The following ADD1 variants were observed in gnomAD, a reference collection of about 807,000 sequenced individuals.
The protein encoded by ADD1 is adducin 1.
In ADD1, 24 loss-of-function variants were observed where a neutral mutation model predicts 80.5. That is an observed-to-expected ratio of 0.30 (90% CI 0.22 to 0.42). The LOEUF (loss-of-function observed/expected upper bound fraction) is 0.42. Among genes scored for constraint, ADD1 ranks in the 10% least tolerant of loss-of-function variants. The pLI is 1.00. For synonymous variants in ADD1, 373 were observed against 393.8 expected, an observed-to-expected ratio of 0.95 and a Z score of 0.63; for missense variants, 948 against 1,019.0, an observed-to-expected ratio of 0.93 and a Z score of 0.95.
At chr4:2,902,060 C>T (rs1382766628) in intron 9 of ADD1, 1 of 152,094 alleles carries the variant, frequency 6.6e-6, no homozygotes, top group Non-Finnish European at 1.5e-5. Flanking sequence ...TGACCCAAAT[C>T]CATGTTTTTA....
chr4:2,874,038 C>T (rs1730859962), intron 1 of ADD1, among the ~76,000 whole-genome samples: 1 of 151,688 alleles, frequency 6.6e-6, no homozygotes, highest in South Asian at 2.1e-4. Flanking sequence ...AGTGAGACCT[C>T]ATCTCTACCA....
Position 2,867,683 on chromosome 4 carries a change from A to G in ADD1, c.-20-8213A>G, listed in dbSNP as rs114327462. On this transcript the variant is annotated intron_variant, in intron 1 of 15. Coordinates refer to ENST00000683351, the MANE Select transcript of ADD1 (RefSeq NM_001354761.2). ...GGAAGCCGTTAACTAACCATTCATCATAAAAGGGAGGAAGCAAGAGGACCC... is the reference window on the plus strand; with the variant it reads ...GGAAGCCGTTAACTAACCATTCATCGTAAAAGGGAGGAAGCAAGAGGACCC... 4.2e-3 allele frequency among the ~76,000 whole-genome samples: 644 copies of G among 152,366 alleles called. 1 individual carries two copies. Among genetic ancestry groups the G allele is most frequent in the African/African-American group, 0.015 (604 of 41,578 alleles).
At chr4:2,922,957 C>T (rs1314035152) in intron 14 of ADD1, among the ~76,000 whole-genome samples, 2 of 152,244 alleles carry the variant, frequency 1.3e-5, no homozygotes, top group Non-Finnish European at 2.9e-5. Context: ...ATGGCCTACT[C>T]AAGCCTCAGT....
In ADD1 at chr4:2,858,097, C is replaced by A. The variant is rs188509100; in HGVS notation, c.-21+14073C>A. Among the ~76,000 whole-genome samples, 166 of 152,218 alleles carry A rather than the reference C, an allele frequency of 1.1e-3. 1 individual carries two copies. Among genetic ancestry groups the A allele is most frequent in the Admixed American group, 3.6e-3 (55 of 15,292 alleles). On this transcript the variant is annotated intron_variant, in intron 1 of 15. Transcript: ENST00000683351. The stretch of plus-strand genomic sequence containing the variant: ...GATTAAAAAAATGACCATACGAAGC[C>A]GTGATAACAGCCTCTAGGAGGGAAC...
At position 2,906,489 on chromosome 4, in the gene ADD1, G is replaced by A. The variant is rs201436960; in HGVS notation, c.1507-1254G>A. 2.0e-4 allele frequency among the ~76,000 whole-genome samples: 30 copies of A among 152,162 alleles called. 1 individual carries two copies. Among genetic ancestry groups the A allele is most frequent in the East Asian group, 5.8e-4 (3 of 5,184 alleles). On this transcript the variant is annotated intron_variant, in intron 10 of 15. Transcript: ENST00000683351. ...TTTTCCAAAGCGTTTAGGCAGCAGC[G>A]CGAGCTTTATTTACCATTAGCTTGC...
At chr4:2,900,659 A>T (rs1335769650) in intron 9 of ADD1, 2 of 152,244 alleles carry the variant, frequency 1.3e-5, no homozygotes, top group Non-Finnish European at 2.9e-5. Context: ...GGTCTGATTC[A>T]GGCTATGTTA....
In ADD1 at chr4:2,907,585, C is replaced by T. The variant is rs149930777; in HGVS notation, c.1507-158C>T. 2.2e-3 allele frequency: 1,414 copies of T among 643,000 alleles called. 2 individuals are homozygous for T. Among genetic ancestry groups the T allele is most frequent in the Non-Finnish European group, 3.4e-3 (1,194 of 355,228 alleles). 39.8% of individuals were successfully genotyped at this position (643,000 alleles called of 1,614,324 possible). A position where few individuals can be genotyped will look rare whatever the true frequency, so the allele number is the denominator to read the frequency against. ...ATGTGGCTGCATCCTGCTCCCATGG[C>T]GACTCTGCTGAGTGACCCAGATTAG... On this transcript the variant is annotated intron_variant, in intron 10 of 15. Transcript: ENST00000683351.
At chr4:2,883,583 G>A (rs1024405344) in intron 3 of ADD1, among the ~76,000 whole-genome samples, 1 of 151,938 alleles carries the variant, frequency 6.6e-6, no homozygotes, top group Non-Finnish European at 1.5e-5. Flanking sequence ...ACCCATGCTG[G>A]AGTACAGTGG....
intron 3 of ADD1, among the ~76,000 whole-genome samples, chr4:2,883,489 T>C (rs1330762481): frequency 2.6e-5 from 4 of 152,132 alleles, no homozygotes; most frequent in Admixed American, 6.6e-5. Flanking sequence ...CTTTCTTCTT[T>C]AGTTTGTTAT....
chr4:2,856,101 C>A (rs1049555068), intron 1 of ADD1, among the ~76,000 whole-genome samples: 3 of 151,132 alleles, frequency 2.0e-5, no homozygotes, highest in African/African-American at 7.3e-5. Flanking sequence ...TTATGTTGCC[C>A]AGGCTGGTCT....
At chr4:2,847,105 C>T (rs188834189) in intron 1 of ADD1, among the ~76,000 whole-genome samples, 1 of 151,444 alleles carries the variant, frequency 6.6e-6, no homozygotes, top group East Asian at 1.9e-4. Context: ...CGACACGGAG[C>T]GAGACTCCGT....
chr4:2,912,504 C>T (rs1738247205), intron 13 of ADD1, among the ~76,000 whole-genome samples: 1 of 152,080 alleles, frequency 6.6e-6, no homozygotes, highest in African/African-American at 2.4e-5. Context: ...GTTTTGATGT[C>T]TCTGTGCCAA....
intron 4 of ADD1, among the ~76,000 whole-genome samples, chr4:2,886,134 A>G (rs1222066063): frequency 6.6e-6 from 1 of 152,218 alleles, no homozygotes; most frequent in Non-Finnish European, 1.5e-5. Flanking sequence ...CTAAAGAAAA[A>G]GTAATTCCAC....
At chr4:2,852,617 CCTAGGGTG>C in intron 1 of ADD1, among the ~76,000 whole-genome samples, 1 of 151,446 alleles carries the variant, frequency 6.6e-6, no homozygotes, top group East Asian at 1.9e-4. Flanking sequence ...ATGTCACTGA[CCTAGGGTG>C]TCTGCAGCAT....
intron 13 of ADD1, among the ~76,000 whole-genome samples, chr4:2,909,725 G>C (rs780181782): frequency 6.6e-6 from 1 of 152,070 alleles, no homozygotes; most frequent in African/African-American, 2.4e-5. Context: ...TGGTCAGTGC[G>C]TGTTTTGGGT....
rs765316520 is a variant in ADD1 at position 2,898,427 on chromosome 4, C to A, written c.886-6C>A. ...AGCTCCACAGAGCATTCATGCTTCC[C>A]CTCAGGTTCTTATTCTCCGGAACCA... On this transcript the variant is annotated splice_polypyrimidine_tract_variant and splice_region_variant and intron_variant, in intron 7 of 15. Transcript: ENST00000683351. 1 of 1,614,042 alleles carries A rather than the reference C, an allele frequency of 6.2e-7. No individual in the cohort carries two copies. Among genetic ancestry groups the A allele is most frequent in the Non-Finnish European group, 8.5e-7 (1 of 1,180,030 alleles).
At chr4:2,890,749 G>A (rs1389487899) in intron 4 of ADD1, among the ~76,000 whole-genome samples, 2 of 151,998 alleles carry the variant, frequency 1.3e-5, no homozygotes, top group African/African-American at 4.8e-5. Flanking sequence ...ATAGATACAT[G>A]GATGTTTGAT....
rs1335833737 is a variant in ADD1 at position 2,929,391 on chromosome 4, T to TTAAC, written c.*870_*873dup. 1.3e-5 allele frequency: 2 copies of TTAAC among 152,292 alleles called. No homozygotes were observed. The highest frequency in any genetic ancestry group is 4.8e-5 in the African/African-American group (2 of 41,472). 9.4% of individuals were successfully genotyped at this position (152,292 alleles called of 1,614,324 possible). A position where few individuals can be genotyped will look rare whatever the true frequency, so the allele number is the denominator to read the frequency against. On this transcript the variant is annotated 3_prime_UTR_variant, in exon 16 of 16. Coordinates refer to ENST00000683351, the MANE Select transcript of ADD1 (RefSeq NM_001354761.2). ...GAGGCTTCAGGGGACTGTTCTCACC[T>TTAAC]TAACTCAGCCAGAAAGATGCCCTAG...
chr4:2,910,841 C>A lies in ADD1; in HGVS notation c.1791+1410C>A, dbSNP rs746643154. Among the ~76,000 whole-genome samples the A allele has an allele frequency of 3.9e-5, 6 of 152,198 alleles. 1 individual carries two copies. The highest frequency in any genetic ancestry group is 7.4e-5 in the Non-Finnish European group (5 of 68,024). ...ATCCAGGTGTCATTAGCAGAGAATACCACTGTACGCTGACCCCAGAGGAAG... is the reference window on the plus strand; with the variant it reads ...ATCCAGGTGTCATTAGCAGAGAATAACACTGTACGCTGACCCCAGAGGAAG... On this transcript the variant is annotated intron_variant, in intron 13 of 15. Transcript: ENST00000683351.
Sources: gnomAD v4.1 joint callset for allele counts (sites outside exome capture counted in the v4.1 genomes callset) on GRCh38, gnomAD v4.1.1 for gene constraint, MANE v1.5 for transcripts, NCBI Gene and HGNC (gene_info 2026-07-23, HGNC 2026-07-21) for gene names.